NGFR: variants seen among roughly 807,000 people sequenced by gnomAD.
NGFR encodes nerve growth factor receptor.
A neutral mutation model predicts 43.2 loss-of-function variants in NGFR; 30 were observed. The observed-to-expected ratio is 0.69, with a 90% CI of 0.52 to 0.94. The LOEUF is 0.94. Among genes scored for constraint, NGFR ranks in the 40% least tolerant of loss-of-function variants. The probability of loss-of-function intolerance (pLI) is 0.00; values close to 1 mark genes in which losing one functional copy is unlikely to be tolerated. For synonymous variants in NGFR, 246 were observed against 259.6 expected (o/e 0.95, Z 0.50); for missense variants, 529 against 602.5 (o/e 0.88, Z 1.28).
At chr17:49,502,271 G>T (rs2071171651) in intron 2 of NGFR, 67 bp downstream of exon 2, 2 of 1,503,120 alleles carry the variant, frequency 1.3e-6, no homozygotes, top group Non-Finnish European at 1.8e-6. Flanking sequence ...TGAAAGGGAG[G>T]GGCGCTGGGG....
chr17:49,508,383 C>T (rs958572939), intron 3 of NGFR, among the ~76,000 whole-genome samples: 1 of 152,290 alleles, frequency 6.6e-6, no homozygotes, highest in African/African-American at 2.4e-5. Context: ...CCAGCCACCC[C>T]GAAGGAGGAG....
intron 1 of NGFR, 42 bp from the exon 2 acceptor site, chr17:49,502,021 C>CCCCCCCA: frequency 7.6e-7 from 1 of 1,324,456 alleles, no homozygotes; most frequent in East Asian, 2.8e-5. Flanking sequence ...CCCACCCCAG[C>CCCCCCCA]TTTCTCTTGC....
intron 1 of NGFR, among the ~76,000 whole-genome samples, chr17:49,499,160 T>C (rs1015025007): frequency 6.6e-6 from 1 of 152,134 alleles, no homozygotes; most frequent in African/African-American, 2.4e-5. Flanking sequence ...TGGTTACTAA[T>C]TATCTGGCCC....
chr17:49,509,137 T>A (rs1482639761), intron 3 of NGFR, among the ~76,000 whole-genome samples: 1 of 152,164 alleles, frequency 6.6e-6, no homozygotes, highest in Non-Finnish European at 1.5e-5. Flanking sequence ...TGGCAGCCCC[T>A]CACTGCTGGC....
intron 1 of NGFR, 63 bp from the exon 2 acceptor site, chr17:49,502,000 A>AGAGCCCCCCCCCCC: frequency 3.8e-6 from 1 of 264,886 alleles, no homozygotes; most frequent in Non-Finnish European, 7.9e-6. Context: ...CCCCGGAAGA[A>AGAGCCCCCCCCCCC]CCCCCCCCAA....
Position 49,513,184 on chromosome 17 carries a change from T to C in NGFR, c.*175T>C, listed in dbSNP as rs887889012. On this transcript the variant is annotated 3_prime_UTR_variant, in exon 6 of 6. Coordinates refer to ENST00000172229, the MANE Select transcript of NGFR (RefSeq NM_002507.4). Reference sequence around the variant, plus strand: ...ACCACAGCCCTGTCAGTGCAGCCCGTGTGGCCCCTTCACTTCTGACCACAC... The same window carrying C: ...ACCACAGCCCTGTCAGTGCAGCCCGCGTGGCCCCTTCACTTCTGACCACAC... 3.1e-6 allele frequency: 2 copies of C among 653,860 alleles called. No individual in the cohort carries two copies. Among genetic ancestry groups the C allele is most frequent in the Admixed American group, 3.3e-5 (1 of 30,402 alleles). 40.5% of individuals were successfully genotyped at this position (653,860 alleles called of 1,614,324 possible).
At chr17:49,497,626 G>A (rs1307016682) in intron 1 of NGFR, 3 of 152,320 alleles carry the variant, frequency 2.0e-5, no homozygotes, top group African/African-American at 7.2e-5. Flanking sequence ...GCTGTGCGCG[G>A]TCCGAGTTTC....
intron 3 of NGFR, 42 bp downstream of exon 3, chr17:49,506,700 G>GGGGGGGGGGGGGGGGGGGGGGGGGGT: frequency 2.1e-6 from 1 of 485,202 alleles, no homozygotes; most frequent in Non-Finnish European, 3.2e-6. Flanking sequence ...GGGTGCGGGG[G>GGGGGGGGGGGGGGGGGGGGGGGGGGT]TGGGCTGGGG....
At chr17:49,496,673 C>A (rs651039) in intron 1 of NGFR, 24,551 of 152,150 alleles carry the variant, frequency 0.16, 2,526 homozygotes, top group Non-Finnish European at 0.23. Flanking sequence ...ACCCGAGCGC[C>A]GCGCCCACCG....
At chr17:49,506,166 G>A (rs781037138) in intron 2 of NGFR, 133 bp from the exon 3 acceptor site, 90 of 1,456,680 alleles carry the variant, frequency 6.2e-5, no homozygotes, top group Non-Finnish European at 7.8e-5. Context: ...CTTGGAAGAG[G>A]GTGGGAGCCG....
At chr17:49,504,769 CTTTTTTTTTTT>C (rs67010321) in intron 2 of NGFR, among the ~76,000 whole-genome samples, 1 of 110,930 alleles carries the variant, frequency 9.0e-6, no homozygotes. Flanking sequence ...TTCTTTCTTT[CTTTTTTTTTTT>C]TTTTTTTTTT....
At chr17:49,496,689 C>A (rs919893292) in intron 1 of NGFR, 1 of 152,218 alleles carries the variant, frequency 6.6e-6, no homozygotes, top group East Asian at 1.9e-4. Flanking sequence ...CACCGCGCTC[C>A]GTGGGCTCCC....
rs2071196539 is a variant in NGFR at position 49,506,299 on chromosome 17, G to A, written c.209G>A (p.Ser70Asn). The A allele has an allele frequency of 6.4e-7, 1 of 1,555,560 alleles. No individual in the cohort carries two copies. Among genetic ancestry groups the A allele is most frequent in the Non-Finnish European group, 8.7e-7 (1 of 1,152,654 alleles). ...NQTVCEPCLD[S>N]VTFSDVVSAT... The stretch of plus-strand genomic sequence containing the variant: ...TAAATCTGGTGTCCGCTGCGCTCAG[G>A]CGTGACGTTCTCCGACGTGGTGAGC... Residue 70 changes from serine (S) to asparagine (N), a missense_variant and splice_region_variant, in exon 3 of 6, where the codon AGC becomes AAC. Ser to Asn is a conservative substitution (Grantham distance 46). Transcript: ENST00000172229.
chr17:49,510,788 C>T, intron 4 of NGFR, 124 bp downstream of exon 4: 4 of 1,254,242 alleles, frequency 3.2e-6, no homozygotes, highest in Non-Finnish European at 4.5e-6. Flanking sequence ...CTCATCCTCA[C>T]TCATCATCTG....
intron 4 of NGFR, among the ~76,000 whole-genome samples, chr17:49,511,471 T>C (rs867107417): frequency 6.6e-6 from 1 of 152,276 alleles, no homozygotes. Flanking sequence ...CATTCAATAG[T>C]ATGGATGGAT....
intron 2 of NGFR, 141 bp downstream of exon 2, chr17:49,502,345 C>A: frequency 1.1e-6 from 1 of 925,718 alleles, no homozygotes; most frequent in Non-Finnish European, 1.5e-6. Context: ...GTGGGTCTGA[C>A]CCAGTGTAGG....
At position 49,506,408 on chromosome 17, in the gene NGFR, G is replaced by C. The variant is rs1597861987; in HGVS notation, c.318G>C (p.Val106=). 2 of 1,604,358 alleles carry C rather than the reference G, an allele frequency of 1.2e-6. No homozygotes were observed. The highest frequency in any genetic ancestry group is 1.1e-5 in the South Asian group (1 of 90,934). Residue 106 remains valine, a synonymous_variant, in exon 3 of 6, where the codon GTG becomes GTC. Transcript: ENST00000172229. The part of the protein sequence containing the change: ...SAPCVEADDA[V]CRCAYGYYQD... ...CGTGCGTGGAGGCCGACGACGCCGT[G>C]TGCCGCTGCGCCTACGGCTACTACC...
chr17:49,502,000 A>ACCCCCCCCCCACCC, intron 1 of NGFR, 63 bp from the exon 2 acceptor site: 1 of 264,880 alleles, frequency 3.8e-6, no homozygotes, highest in Non-Finnish European at 7.9e-6. Flanking sequence ...CCCCGGAAGA[A>ACCCCCCCCCCACCC]CCCCCCCCAA....
chr17:49,502,911 T>G (rs1263809339), intron 2 of NGFR, among the ~76,000 whole-genome samples: 1 of 149,766 alleles, frequency 6.7e-6, no homozygotes, highest in African/African-American at 2.5e-5. Flanking sequence ...CTTTCTTTCC[T>G]TTCCTTCCTT....
Sources: allele counts gnomAD v4.1 joint callset (sites outside exome capture counted in the v4.1 genomes callset), GRCh38; gene constraint gnomAD v4.1.1; transcripts MANE v1.5; gene names NCBI Gene and HGNC (gene_info 2026-07-23, HGNC 2026-07-21).